GRID1: variants seen among roughly 807,000 people sequenced by gnomAD.
The protein encoded by GRID1 is glutamate ionotropic receptor delta type subunit 1.
In GRID1, 28 loss-of-function variants were observed where a neutral mutation model predicts 98.0. The ratio of observed to expected loss-of-function variants is 0.29; its 90% CI spans 0.21 to 0.39. The LOEUF (loss-of-function observed/expected upper bound fraction) is 0.39. Among genes scored for constraint, GRID1 ranks in the 10% least tolerant of loss-of-function variants. The pLI, the probability that GRID1 is intolerant of heterozygous loss-of-function variation, is 1.00. For missense variants in GRID1, 1,111 were observed against 1,340.5 expected (o/e 0.83, Z 2.67); for synonymous variants, 553 against 538.5 (o/e 1.03, Z -0.37).
chr10:86,012,931 C>G lies in GRID1; in HGVS notation c.727-96692G>C, dbSNP rs922831229. ...CTGAATGATCTAAGACACTATTTAT[C>G]AGGATAACCCTTTGCACTGAAGGAA... is the stretch of plus-strand genomic sequence containing the variant. On this transcript the variant is annotated intron_variant, in intron 4 of 15. Coordinates refer to ENST00000327946, the MANE Select transcript of GRID1 (RefSeq NM_017551.3). 3.3e-5 allele frequency among the ~76,000 whole-genome samples: 5 copies of G among 152,288 alleles called. No homozygotes were observed. The East Asian group carries it at 9.6e-4, about 29-fold the overall frequency.
At chr10:85,763,649 G>C (rs1842169789) in intron 8 of GRID1, among the ~76,000 whole-genome samples, 1 of 152,192 alleles carries the variant, frequency 6.6e-6, no homozygotes, top group Non-Finnish European at 1.5e-5. Context: ...AGCACAAATG[G>C]CACTCACATG....
At chr10:86,083,063 T>G (rs941419400) in intron 4 of GRID1, among the ~76,000 whole-genome samples, 1 of 152,144 alleles carries the variant, frequency 6.6e-6, no homozygotes. Flanking sequence ...GCCAGACACA[T>G]AGTGGGGGCT....
chr10:85,611,005 T>C (rs1417816442), intron 15 of GRID1, among the ~76,000 whole-genome samples: 1 of 152,168 alleles, frequency 6.6e-6, no homozygotes, highest in African/African-American at 2.4e-5. Flanking sequence ...GCAGGGCTAA[T>C]GTATTCATCA....
At chr10:86,310,022 C>T (rs1387249948) in intron 2 of GRID1, among the ~76,000 whole-genome samples, 2 of 152,210 alleles carry the variant, frequency 1.3e-5, no homozygotes, top group Non-Finnish European at 2.9e-5. Context: ...TGGCCTGAGG[C>T]CACCTGCTAG....
At chr10:86,058,016 C>A (rs1348181844) in intron 4 of GRID1, among the ~76,000 whole-genome samples, 1 of 152,076 alleles carries the variant, frequency 6.6e-6, no homozygotes, top group Non-Finnish European at 1.5e-5. Flanking sequence ...GGTTAGGTGT[C>A]CCCAGAAGCA....
intron 13 of GRID1, among the ~76,000 whole-genome samples, chr10:85,640,386 G>C (rs144515648): frequency 6.6e-6 from 1 of 152,202 alleles, no homozygotes; most frequent in African/African-American, 2.4e-5. Flanking sequence ...CTGTTATAGA[G>C]AGCAGTATTT....
intron 2 of GRID1, among the ~76,000 whole-genome samples, chr10:86,213,700 G>A (rs552668023): frequency 3.4e-4 from 51 of 152,038 alleles, no homozygotes; most frequent in African/African-American, 8.9e-4. Flanking sequence ...GGGCTCTACC[G>A]TTATTTCTCA....
At chr10:86,114,852 CA>C (rs377766616) in intron 4 of GRID1, among the ~76,000 whole-genome samples, 2 of 152,340 alleles carry the variant, frequency 1.3e-5, no homozygotes, top group Admixed American at 6.5e-5. Flanking sequence ...TCCTCCAGGG[CA>C]TGGCTCCATC....
chr10:86,044,343 G>A (rs1298500490), intron 4 of GRID1, among the ~76,000 whole-genome samples: 5 of 152,156 alleles, frequency 3.3e-5, no homozygotes, highest in African/African-American at 1.2e-4. Flanking sequence ...ACCAGCATTG[G>A]CTTAATGGCT....
At chr10:85,833,415 T>C (rs1340556107) in intron 8 of GRID1, among the ~76,000 whole-genome samples, 1 of 150,794 alleles carries the variant, frequency 6.6e-6, no homozygotes, top group East Asian at 2.0e-4. Flanking sequence ...TAGACCAAAA[T>C]AGTACCACAA....
At chr10:86,245,573 T>C (rs1008915862) in intron 2 of GRID1, among the ~76,000 whole-genome samples, 3 of 151,664 alleles carry the variant, frequency 2.0e-5, no homozygotes, top group Admixed American at 6.6e-5. Context: ...CCTCCTCTAC[T>C]ATTCGCTTTA....
intron 3 of GRID1, among the ~76,000 whole-genome samples, chr10:86,181,558 T>C (rs765240947): frequency 2.3e-4 from 35 of 152,300 alleles, no homozygotes; most frequent in African/African-American, 5.1e-4. Context: ...CCTGTGCCCA[T>C]GGACACCTGA....
At chr10:85,668,728 A>C (rs1590182468) in intron 12 of GRID1, among the ~76,000 whole-genome samples, 1 of 152,292 alleles carries the variant, frequency 6.6e-6, no homozygotes, top group South Asian at 2.1e-4. Flanking sequence ...CTGCTAGAAA[A>C]CCTGCCATTG....
intron 13 of GRID1, among the ~76,000 whole-genome samples, chr10:85,629,609 T>C (rs1400082892): frequency 1.3e-5 from 2 of 152,262 alleles, no homozygotes; most frequent in Admixed American, 1.3e-4. Flanking sequence ...TAAATATACA[T>C]ATATATCACA....
Position 85,990,479 on chromosome 10 carries a change from G to T in GRID1, c.727-74240C>A, listed in dbSNP as rs887561527. Among the ~76,000 whole-genome samples, 4 of 152,322 alleles carry T rather than the reference G, an allele frequency of 2.6e-5. No homozygotes were observed. In the East Asian group the frequency reaches 7.7e-4, roughly 29 times the overall value. On this transcript the variant is annotated intron_variant, in intron 4 of 15. Transcript: ENST00000327946. Reference sequence around the variant, plus strand: ...GAAACAAGGAATTCAACAAATACGTGATAGGTGCTAAGACAGAAACATAGA... The same window carrying T: ...GAAACAAGGAATTCAACAAATACGTTATAGGTGCTAAGACAGAAACATAGA...
chr10:85,649,745 G>A (rs1843241305), intron 12 of GRID1, among the ~76,000 whole-genome samples: 1 of 152,072 alleles, frequency 6.6e-6, no homozygotes, highest in African/African-American at 2.4e-5. Context: ...ACGGCCAGAG[G>A]CTCAGGGAAC....
chr10:85,707,684 T>C (rs887400976), intron 12 of GRID1, among the ~76,000 whole-genome samples: 49 of 152,162 alleles, frequency 3.2e-4, no homozygotes, highest in African/African-American at 9.2e-4. Context: ...TGCGGCACTA[T>C]TCACAATAGC....
intron 4 of GRID1, among the ~76,000 whole-genome samples, chr10:86,007,949 AC>A (rs1842883200): frequency 6.6e-6 from 1 of 152,136 alleles, no homozygotes; most frequent in Admixed American, 6.5e-5. Flanking sequence ...TCAAAAGACC[AC>A]AAACGTTTCA....
chr10:85,777,541 G>C (rs970352308), intron 8 of GRID1, among the ~76,000 whole-genome samples: 5 of 152,182 alleles, frequency 3.3e-5, no homozygotes, highest in Non-Finnish European at 5.9e-5. Flanking sequence ...AAGGACTGGA[G>C]ACCCATGTCA....
Sources: allele counts gnomAD v4.1 joint callset (sites outside exome capture counted in the v4.1 genomes callset), GRCh38; gene constraint gnomAD v4.1.1; transcripts MANE v1.5; gene names NCBI Gene and HGNC (gene_info 2026-07-23, HGNC 2026-07-21).